Variants in NEB observed in about 807,000 individuals in gnomAD.
NEB encodes nebulin.
A neutral mutation model predicts 952.2 loss-of-function variants in NEB; 512 were observed. The ratio of observed to expected loss-of-function variants is 0.54; its 90% CI spans 0.50 to 0.58. NEB has a LOEUF of 0.58. Among genes scored for constraint, NEB ranks in the 20% least tolerant of loss-of-function variants. The pLI is 0.00. For missense variants in NEB, 8,428 were observed against 9,231.1 expected (o/e 0.91, Z 3.56); for synonymous variants, 2,900 against 3,149.8 (o/e 0.92, Z 2.66).
chr2:151,677,156 T>A (rs1158472625), intron 34 of NEB, among the ~76,000 whole-genome samples: 7 of 152,200 alleles, frequency 4.6e-5, no homozygotes, highest in Non-Finnish European at 7.3e-5. Context: ...TGTATTAATG[T>A]CTTATATATG....
chr2:151,624,450 A>T (rs1398489378), intron 71 of NEB, among the ~76,000 whole-genome samples: 1 of 152,128 alleles, frequency 6.6e-6, no homozygotes, highest in Non-Finnish European at 1.5e-5. Flanking sequence ...CTCCTGGGAG[A>T]AGATAATCCA....
chr2:151,639,820 A>G (rs1322810203), intron 62 of NEB, 37 bp downstream of exon 62: 2 of 1,536,830 alleles, frequency 1.3e-6, no homozygotes, highest in African/African-American at 2.7e-5. Context: ...ATTCAGCTTT[A>G]GGAGCCCCAC....
rs117726863 is a variant in NEB, at chr2:151,662,983, G to A, written c.5763+565C>T. ...GTAGCCTTGCTTTCGTCTGCTTTGGGTTTGTAACTTAATTCACCTCTCCAA... is the reference window on the plus strand; with the variant it reads ...GTAGCCTTGCTTTCGTCTGCTTTGGATTTGTAACTTAATTCACCTCTCCAA... On this transcript the variant is annotated intron_variant, in intron 45 of 181. Transcript: ENST00000397345. Among the ~76,000 whole-genome samples the A allele has an allele frequency of 4.1e-3, 624 of 152,216 alleles. 13 individuals carry two copies. The East Asian group carries it at 0.069, about 17-fold the overall frequency.
At chr2:151,488,663 T>G (rs958568809) in intron 181 of NEB, among the ~76,000 whole-genome samples, 1 of 151,754 alleles carries the variant, frequency 6.6e-6, no homozygotes, top group Non-Finnish European at 1.5e-5. Context: ...AAAAAAAAAG[T>G]ATTCTGTATT....
At chr2:151,668,686 T>C (rs2099249863) in intron 39 of NEB, among the ~76,000 whole-genome samples, 1 of 152,148 alleles carries the variant, frequency 6.6e-6, no homozygotes, top group South Asian at 2.1e-4. Context: ...TAATAAATAA[T>C]TAAAAGTTGT....
chr2:151,524,643 CAA>C (rs1491580390), intron 151 of NEB, 27 bp from the exon 152 acceptor site: 1 of 527,368 alleles, frequency 1.9e-6, no homozygotes, highest in Admixed American at 2.5e-5. Context: ...AATGTTTACT[CAA>C]GAGAGAGGCT....
rs150716011 is a variant in NEB at position 151,636,995 on chromosome 2, G to A, written c.8995-661C>T. 1.0e-3 allele frequency among the ~76,000 whole-genome samples: 153 copies of A among 152,258 alleles called. 1 individual carries two copies. The highest frequency in any genetic ancestry group is 3.5e-3 in the African/African-American group (147 of 41,534). ...TGGTAAAATGTGGGTGGGAGGGAAAGGCTTAACTGTTGATCATGGCAATCA... is the reference window on the plus strand; with the variant it reads ...TGGTAAAATGTGGGTGGGAGGGAAAAGCTTAACTGTTGATCATGGCAATCA... On this transcript the variant is annotated intron_variant, in intron 63 of 181. Coordinates refer to ENST00000397345, the MANE Select transcript of NEB (RefSeq NM_001164508.2).
intron 145 of NEB, 30 bp downstream of exon 145, chr2:151,530,964 G>T: frequency 6.8e-7 from 1 of 1,460,392 alleles, no homozygotes; most frequent in Non-Finnish European, 9.6e-7. Context: ...GCCAAGATGA[G>T]AGGGACTGCT....
At chr2:151,706,158 G>T (rs547481191) in intron 13 of NEB, among the ~76,000 whole-genome samples, 1 of 152,252 alleles carries the variant, frequency 6.6e-6, no homozygotes, top group Admixed American at 6.5e-5. Context: ...CCTCTCACTT[G>T]CCACTTTCCC....
rs2084513155 is a variant in NEB at position 151,524,727 on chromosome 2, T to C, written c.22273-111A>G. 4 of 842,562 alleles carry C rather than the reference T, an allele frequency of 4.7e-6. No homozygotes were observed. The South Asian group carries it at 5.1e-5, about 11-fold the overall frequency. 52.2% of individuals were successfully genotyped at this position (842,562 alleles called of 1,614,324 possible). Reference sequence around the variant, plus strand: ...TGTTGCCCAGGCTTGAGTGCAGTGGTACAATCTCAGCTCACTGCAACTTCT... The same window carrying C: ...TGTTGCCCAGGCTTGAGTGCAGTGGCACAATCTCAGCTCACTGCAACTTCT... On this transcript the variant is annotated intron_variant, in intron 151 of 181. Coordinates refer to ENST00000397345, the MANE Select transcript of NEB (RefSeq NM_001164508.2).
chr2:151,492,206 C>G lies in NEB; in HGVS notation c.24949G>C (p.Val8317Leu), dbSNP rs1341580706. 3 of 1,613,814 alleles carry G rather than the reference C, an allele frequency of 1.9e-6. No individual in the cohort carries two copies. Among genetic ancestry groups the G allele is most frequent in the African/African-American group, 2.7e-5 (2 of 74,926 alleles). ...CTGAAGTCCTGCATGTTCTTCTTTA[C>G]TCGTTCAGTGATAGGATCTGTCACC... ...PVVTDPITER[V>L]KKNMQDFSDI... The change falls in exon 178 of 182, where the codon GTA (valine) becomes CTA (leucine). Residue 8317 changes from valine to leucine, a missense_variant. By Grantham distance (32) the Val-to-Leu change is conservative. Transcript: ENST00000397345.
chr2:151,507,922 T>C lies in NEB; in HGVS notation c.23451+83A>G, dbSNP rs1320249876. On this transcript the variant is annotated intron_variant, in intron 162 of 181. Transcript: ENST00000397345. ...GTGGAGGGCTGCACAACAGCCCCAC[T>C]GCAAGCCTGGGATATCCAGAGGCAT... The C allele has an allele frequency of 6.1e-6, 6 of 979,686 alleles. No individual in the cohort carries two copies. The African/African-American group carries it at 9.7e-5, about 16-fold the overall frequency. The allele number at this position is 979,686 out of a possible 1,614,324, so 60.7% of individuals were successfully genotyped here. A position where few individuals can be genotyped will look rare whatever the true frequency, so the allele number is the denominator to read the frequency against.
chr2:151,631,478 A>T, intron 65 of NEB, 132 bp from the exon 66 acceptor site: 1 of 969,210 alleles, frequency 1.0e-6, no homozygotes, highest in Non-Finnish European at 1.5e-6. Flanking sequence ...TATAAGGCAA[A>T]CTAAAAGAAT....
chr2:151,581,699 T>A (rs1344479415), intron 102 of NEB, 112 bp from the exon 103 acceptor site: 7 of 1,228,240 alleles, frequency 5.7e-6, no homozygotes, highest in African/African-American at 1.5e-5. Context: ...ATGAAAAAAA[T>A]TTTAAGTGAA....
In NEB at chr2:151,680,718, A is replaced by T; in HGVS notation, c.3042+12T>A. ...TAACATCTATTAACATATAGATAGC[A>T]TTAACACTTACATCACTCCTCTGGG... On this transcript the variant is annotated intron_variant, in intron 30 of 181. Transcript: ENST00000397345. 1 of 1,540,578 alleles carries T rather than the reference A, an allele frequency of 6.5e-7. No individual in the cohort carries two copies. The highest frequency in any genetic ancestry group is 9.0e-7 in the Non-Finnish European group (1 of 1,116,552).
intron 71 of NEB, among the ~76,000 whole-genome samples, chr2:151,621,666 A>C (rs2098419081): frequency 6.6e-6 from 1 of 152,204 alleles, no homozygotes; most frequent in African/African-American, 2.4e-5. Flanking sequence ...ACAGACATGC[A>C]CAGAAGACAA....
chr2:151,504,322 GTTGCATTTCT>G (rs1433828824), intron 165 of NEB, among the ~76,000 whole-genome samples: 1 of 152,162 alleles, frequency 6.6e-6, no homozygotes, highest in Non-Finnish European at 1.5e-5. Flanking sequence ...TGGTAACAAA[GTTGCATTTCT>G]TTACTCTTCA....
At chr2:151,712,565 C>T (rs1258573121) in intron 10 of NEB, among the ~76,000 whole-genome samples, 1 of 151,842 alleles carries the variant, frequency 6.6e-6, no homozygotes, top group African/African-American at 2.4e-5. Flanking sequence ...GGAGATCGAG[C>T]TCTCACAATC....
chr2:151,731,403 A>G (rs2099808304), intron 3 of NEB, among the ~76,000 whole-genome samples: 1 of 152,212 alleles, frequency 6.6e-6, no homozygotes, highest in East Asian at 1.9e-4. Context: ...CCAAGATCCC[A>G]AGGAGATATA....
Sources: gnomAD v4.1 joint callset for allele counts (sites outside exome capture counted in the v4.1 genomes callset) on GRCh38, gnomAD v4.1.1 for gene constraint, MANE v1.5 for transcripts, NCBI Gene and HGNC (gene_info 2026-07-23, HGNC 2026-07-21) for gene names.